The following XPR1 variants were observed in gnomAD, a reference collection of about 807,000 sequenced individuals.
XPR1 encodes solute carrier family 53 member 1.
A neutral mutation model predicts 87.5 loss-of-function variants in XPR1; 28 were observed. That is an observed-to-expected ratio of 0.32 (90% CI 0.24 to 0.44). The LOEUF is 0.44. Ranked by LOEUF, XPR1 falls within the 20% of genes least tolerant of loss-of-function variation. The probability of loss-of-function intolerance (pLI) is 1.00; values close to 1 mark genes in which losing one functional copy is unlikely to be tolerated. For synonymous variants in XPR1, 300 were observed against 306.1 expected (o/e 0.98, Z 0.21); for missense variants, 559 against 862.3 (o/e 0.65, Z 4.41).
chr1:180,734,453 G>A (rs1235269271), intron 2 of XPR1, among the ~76,000 whole-genome samples: 1 of 152,220 alleles, frequency 6.6e-6, no homozygotes, highest in East Asian at 1.9e-4. Context: ...AGGCAATCAT[G>A]ATGGGTGAGG....
intron 2 of XPR1, among the ~76,000 whole-genome samples, chr1:180,721,526 A>G (rs1259374696): frequency 6.6e-6 from 1 of 152,050 alleles, no homozygotes; most frequent in African/African-American, 2.4e-5. Context: ...CCGTCATTTT[A>G]CTCCTGGCTA....
At chr1:180,692,774 G>T (rs1657032512) in intron 2 of XPR1, among the ~76,000 whole-genome samples, 1 of 152,090 alleles carries the variant, frequency 6.6e-6, no homozygotes, top group Non-Finnish European at 1.5e-5. Flanking sequence ...AATGCTCATT[G>T]TTATGACGTT....
chr1:180,656,443 A>AATATATATATATTATATAT (rs1553232986), intron 1 of XPR1, among the ~76,000 whole-genome samples: 4 of 5,474 alleles, frequency 7.3e-4, no homozygotes, highest in African/African-American at 1.6e-3. Context: ...ATTTATATAT[A>AATATATATATATTATATAT]AATATTTATA....
chr1:180,680,111 A>G (rs761899439), intron 1 of XPR1, among the ~76,000 whole-genome samples: 13 of 152,182 alleles, frequency 8.5e-5, no homozygotes, highest in Non-Finnish European at 1.8e-4. Context: ...GTGGCTAACA[A>G]ATAAAGAAAA....
chr1:180,678,335 T>C (rs1034690780), intron 1 of XPR1, among the ~76,000 whole-genome samples: 17 of 152,210 alleles, frequency 1.1e-4, no homozygotes, highest in African/African-American at 4.1e-4. Context: ...TCTAATCACT[T>C]GATTTTTTTT....
chr1:180,695,491 T>TTCAAAC (rs1657136345), intron 2 of XPR1, among the ~76,000 whole-genome samples: 1 of 152,046 alleles, frequency 6.6e-6, no homozygotes, highest in Non-Finnish European at 1.5e-5. Flanking sequence ...GAAGTCTTAG[T>TTCAAAC]CATGAAATGT....
intron 11 of XPR1, among the ~76,000 whole-genome samples, chr1:180,860,853 C>T (rs1453172336): frequency 6.7e-6 from 1 of 150,284 alleles, no homozygotes; most frequent in Non-Finnish European, 1.5e-5. Flanking sequence ...AACACCAGAT[C>T]CATTGTACCA....
chr1:180,783,910 C>CG (rs1230740364), intron 2 of XPR1, among the ~76,000 whole-genome samples: 1 of 151,716 alleles, frequency 6.6e-6, no homozygotes, highest in Non-Finnish European at 1.5e-5. Flanking sequence ...CAAAAATTAG[C>CG]GGGGCATGAT....
chr1:180,712,089 A>G (rs554094139), intron 2 of XPR1, among the ~76,000 whole-genome samples: 2 of 152,336 alleles, frequency 1.3e-5, no homozygotes, highest in South Asian at 4.1e-4. Flanking sequence ...ATTTTTCTAT[A>G]CATTTATACA....
chr1:180,659,232 TCCTTCCTTCCTTCCTTCCTCCCTC>T (rs1429786469), intron 1 of XPR1, among the ~76,000 whole-genome samples: 838 of 24,646 alleles, frequency 0.034, 30 homozygotes, highest in Middle Eastern at 0.043. Flanking sequence ...CTTCCTTCCT[TCCTTCCTTCCTTCCTTCCTCCCTC>T]CCTCCCTCCC....
At chr1:180,632,402 C>T in intron 1 of XPR1, 132 bp downstream of exon 1, 4 of 1,220,010 alleles carry the variant, frequency 3.3e-6, no homozygotes, top group African/African-American at 1.5e-5. Context: ...CGCGGGGAGC[C>T]ACTGCGGCAT....
intron 2 of XPR1, among the ~76,000 whole-genome samples, chr1:180,760,099 T>C (rs1647950288): frequency 6.6e-6 from 1 of 152,208 alleles, no homozygotes; most frequent in Non-Finnish European, 1.5e-5. Flanking sequence ...AAGTAGGTAT[T>C]GATGGGACGT....
At chr1:180,707,034 A>G (rs966253144) in intron 2 of XPR1, among the ~76,000 whole-genome samples, 1 of 152,228 alleles carries the variant, frequency 6.6e-6, no homozygotes. Context: ...TTGTAGAAAT[A>G]TGTATTTTAA....
intron 2 of XPR1, among the ~76,000 whole-genome samples, chr1:180,704,245 G>GATAT (rs35751561): frequency 0.039 from 2,582 of 65,974 alleles, 111 homozygotes; most frequent in East Asian, 0.12. Flanking sequence ...ATAGGTGCTG[G>GATAT]ATATATATAT....
At chr1:180,669,217 T>G (rs1656070186) in intron 1 of XPR1, among the ~76,000 whole-genome samples, 1 of 152,238 alleles carries the variant, frequency 6.6e-6, no homozygotes, top group Non-Finnish European at 1.5e-5. Context: ...GTGTTACATG[T>G]ATGTCTGCTG....
chr1:180,632,099 C>A lies in XPR1; in HGVS notation c.-103C>A. ...GCGGCGGAGGAGGAGAGAAGCGCAGCGCCGCGCCGCGCCGGGGCCCATGTG... is the reference window on the plus strand; with the variant it reads ...GCGGCGGAGGAGGAGAGAAGCGCAGAGCCGCGCCGCGCCGGGGCCCATGTG... On this transcript the variant is annotated 5_prime_UTR_variant, in exon 1 of 15. Coordinates refer to ENST00000367590, the MANE Select transcript of XPR1 (RefSeq NM_004736.4). 1.4e-6 allele frequency: 2 copies of A among 1,394,560 alleles called. No homozygotes were observed. Among genetic ancestry groups the A allele is most frequent in the Non-Finnish European group, 2.0e-6 (2 of 1,005,904 alleles). The allele number at this position is 1,394,560 out of a possible 1,614,324, so 86.4% of individuals were successfully genotyped here.
chr1:180,679,004 G>C (rs1178704935), intron 1 of XPR1, among the ~76,000 whole-genome samples: 1 of 152,012 alleles, frequency 6.6e-6, no homozygotes, highest in Non-Finnish European at 1.5e-5. Context: ...GACCATCCTG[G>C]CTAACATGGT....
chr1:180,813,045 C>CCA (rs1553250904), intron 7 of XPR1, among the ~76,000 whole-genome samples: 4 of 145,044 alleles, frequency 2.8e-5, no homozygotes, highest in Non-Finnish European at 4.5e-5. Context: ...TTTTTTCCCC[C>CCA]CCCCCAATGG....
rs1469866497 is a variant in XPR1, at chr1:180,659,369, GTCCGTCCT to G, written c.70-22979_70-22972del. ...CTTCCTTCCGTCCTTCCGTCCTTCC[GTCCGTCCT>G]TCCGTCCTTCCTTCCTTCCTTCCTT... On this transcript the variant is annotated intron_variant, in intron 1 of 14. Coordinates refer to ENST00000367590, the MANE Select transcript of XPR1 (RefSeq NM_004736.4). Among the ~76,000 whole-genome samples the G allele has an allele frequency of 5.0e-3, 305 of 60,578 alleles. 5 individuals are homozygous for G. Among genetic ancestry groups the G allele is most frequent in the African/African-American group, 0.019 (260 of 13,462 alleles). The allele number at this position is 60,578 out of a possible 152,430, so 39.7% of individuals were successfully genotyped here.
Sources: allele counts gnomAD v4.1 joint callset (sites outside exome capture counted in the v4.1 genomes callset), GRCh38; gene constraint gnomAD v4.1.1; transcripts MANE v1.5; gene names NCBI Gene and HGNC (gene_info 2026-07-23, HGNC 2026-07-21).